Variants in SDK1 observed in about 807,000 individuals in gnomAD.
SDK1 encodes the protein protein sidekick-1.
SDK1 carries 157 observed loss-of-function variants against 245.5 expected under a neutral mutation model. The observed-to-expected ratio is 0.64, with a 90% CI of 0.56 to 0.73. The LOEUF (loss-of-function observed/expected upper bound fraction) is 0.73. SDK1 is among the 30% of genes least tolerant of loss of function. SDK1 has a pLI of 0.00. For synonymous variants in SDK1, 1,647 were observed against 1,278.5 expected, an observed-to-expected ratio of 1.29 and a Z score of -6.15; for missense variants, 3,583 against 3,002.3, an observed-to-expected ratio of 1.19 and a Z score of -4.52.
chr7:3,526,905 T>A (rs1783156731), intron 1 of SDK1, among the ~76,000 whole-genome samples: 1 of 152,168 alleles, frequency 6.6e-6, no homozygotes, highest in Non-Finnish European at 1.5e-5. Flanking sequence ...TGAGAAAGGC[T>A]TTTTCCTTGA....
chr7:4,121,267 C>T (rs950610809), intron 25 of SDK1, among the ~76,000 whole-genome samples: 1 of 152,050 alleles, frequency 6.6e-6, no homozygotes, highest in Non-Finnish European at 1.5e-5. Flanking sequence ...CTGATTGTAG[C>T]ATGTATGGTG....
chr7:3,838,123 T>G (rs1188324124), intron 5 of SDK1, among the ~76,000 whole-genome samples: 1 of 152,218 alleles, frequency 6.6e-6, no homozygotes, highest in African/African-American at 2.4e-5. Flanking sequence ...GGCTGTTGCA[T>G]TGCATGCATT....
chr7:3,435,176 G>GAAAT (rs60400853), intron 1 of SDK1, among the ~76,000 whole-genome samples: 118,479 of 150,618 alleles, frequency 0.79, 47,264 homozygotes, highest in African/African-American at 0.94. Flanking sequence ...TTTTTTTTTT[G>GAAAT]AAATCTTTTT....
intron 1 of SDK1, among the ~76,000 whole-genome samples, chr7:3,523,446 G>A (rs1409110890): frequency 3.3e-5 from 5 of 152,092 alleles, no homozygotes; most frequent in Non-Finnish European, 7.4e-5. Flanking sequence ...CACAGGGTAA[G>A]TTACCACTGA....
intron 1 of SDK1, among the ~76,000 whole-genome samples, chr7:3,411,246 A>C (rs940335919): frequency 6.6e-6 from 1 of 152,158 alleles, no homozygotes; most frequent in African/African-American, 2.4e-5. Flanking sequence ...AAGCGCTTCC[A>C]AAAGTACATA....
chr7:3,580,546 G>A (rs145690222), intron 1 of SDK1, among the ~76,000 whole-genome samples: 51 of 152,240 alleles, frequency 3.3e-4, no homozygotes, highest in African/African-American at 6.0e-4. Context: ...AATGGGGAAA[G>A]GATTCCCTAT....
intron 39 of SDK1, among the ~76,000 whole-genome samples, chr7:4,220,829 C>T (rs1240653488): frequency 6.6e-6 from 1 of 151,984 alleles, no homozygotes. Context: ...TGGAGTGCAG[C>T]AGCATGATCA....
rs1784713650 is a variant in SDK1 at position 3,700,655 on chromosome 7, C to G, written c.713+58550C>G. Among the ~76,000 whole-genome samples, 6 of 152,044 alleles carry G rather than the reference C, an allele frequency of 3.9e-5. No homozygotes were observed. In the South Asian group the frequency reaches 1.0e-3, roughly 26 times the overall value. On this transcript the variant is annotated intron_variant, in intron 4 of 44. Transcript: ENST00000404826. ...CAGGGAAACAAGAAAACAGAGAACA[C>G]CCACAACAAACAAACAAAAATGGTG...
intron 1 of SDK1, among the ~76,000 whole-genome samples, chr7:3,477,982 G>C (rs1583918044): frequency 6.6e-6 from 1 of 152,056 alleles, no homozygotes; most frequent in Non-Finnish European, 1.5e-5. Context: ...TTCCTAAACA[G>C]TTTCCCATAT....
At chr7:3,704,670 C>G (rs967819029) in intron 4 of SDK1, among the ~76,000 whole-genome samples, 1 of 152,078 alleles carries the variant, frequency 6.6e-6, no homozygotes, top group Non-Finnish European at 1.5e-5. Flanking sequence ...GTTTCTTTTG[C>G]TGTACAGAAG....
At chr7:3,572,143 C>T (rs1409327986) in intron 1 of SDK1, among the ~76,000 whole-genome samples, 2 of 152,056 alleles carry the variant, frequency 1.3e-5, no homozygotes, top group South Asian at 2.1e-4. Context: ...ATCCACTGGG[C>T]ACTTATGTTC....
chr7:3,897,322 C>A (rs1012130875), intron 5 of SDK1, among the ~76,000 whole-genome samples: 3 of 152,300 alleles, frequency 2.0e-5, no homozygotes, highest in Non-Finnish European at 4.4e-5. Flanking sequence ...CCAGCTTGCT[C>A]AACTGGAAGC....
At chr7:4,022,672 A>G (rs1355291504) in intron 17 of SDK1, among the ~76,000 whole-genome samples, 2 of 152,046 alleles carry the variant, frequency 1.3e-5, no homozygotes, top group Admixed American at 6.5e-5. Flanking sequence ...GTTTCCTTCC[A>G]GGCAACTCCT....
intron 5 of SDK1, among the ~76,000 whole-genome samples, chr7:3,911,268 G>C (rs763713103): frequency 6.6e-6 from 1 of 152,126 alleles, no homozygotes; most frequent in African/African-American, 2.4e-5. Context: ...TCTAGATCCT[G>C]TACCCCCACT....
At chr7:3,506,356 C>T (rs964483038) in intron 1 of SDK1, among the ~76,000 whole-genome samples, 1 of 152,274 alleles carries the variant, frequency 6.6e-6, no homozygotes. Flanking sequence ...TCACTCTTAC[C>T]TATTCCCTGT....
At chr7:3,625,835 C>T (rs1782099263) in intron 2 of SDK1, among the ~76,000 whole-genome samples, 1 of 152,078 alleles carries the variant, frequency 6.6e-6, no homozygotes, top group Non-Finnish European at 1.5e-5. Context: ...AAAGTGATGC[C>T]AGCTGCGCCA....
chr7:3,405,398 G>C (rs140737299), intron 1 of SDK1, among the ~76,000 whole-genome samples: 1 of 152,124 alleles, frequency 6.6e-6, no homozygotes, highest in Non-Finnish European at 1.5e-5. Flanking sequence ...TGCCCAAGTT[G>C]CATGCAAACA....
At chr7:3,881,068 C>CT (rs1054360902) in intron 5 of SDK1, among the ~76,000 whole-genome samples, 38 of 149,474 alleles carry the variant, frequency 2.5e-4, no homozygotes, top group African/African-American at 4.7e-4. Context: ...CACAAACATT[C>CT]TTTTTTTTTT....
intron 1 of SDK1, among the ~76,000 whole-genome samples, chr7:3,563,630 G>T (rs1397265005): frequency 6.6e-6 from 1 of 152,176 alleles, no homozygotes; most frequent in Non-Finnish European, 1.5e-5. Flanking sequence ...ACTGTTCTCA[G>T]AAATTAGTAA....
Sources: allele counts gnomAD v4.1 joint callset (sites outside exome capture counted in the v4.1 genomes callset), GRCh38; gene constraint gnomAD v4.1.1; transcripts MANE v1.5; gene names NCBI Gene and HGNC (gene_info 2026-07-23, HGNC 2026-07-21).